MYO9A: variants seen among roughly 807,000 people sequenced by gnomAD.
MYO9A encodes myosin IXA.
A neutral mutation model predicts 293.3 loss-of-function variants in MYO9A; 103 were observed. The ratio of observed to expected loss-of-function variants is 0.35; its 90% CI spans 0.30 to 0.41. The LOEUF (loss-of-function observed/expected upper bound fraction) is 0.41. Ranked by LOEUF, MYO9A falls within the 10% of genes least tolerant of loss-of-function variation. The pLI, the probability that MYO9A is intolerant of heterozygous loss-of-function variation, is 1.00. For missense variants in MYO9A, 2,685 were observed against 3,033.0 expected, an observed-to-expected ratio of 0.89 and a Z score of 2.69; for synonymous variants, 1,001 against 1,035.7, an observed-to-expected ratio of 0.97 and a Z score of 0.64.
At chr15:71,925,307 G>T (rs900376652) in intron 18 of MYO9A, among the ~76,000 whole-genome samples, 1 of 148,018 alleles carries the variant, frequency 6.8e-6, no homozygotes, top group Non-Finnish European at 1.5e-5. Context: ...ACATATATAC[G>T]TATATACGTA....
chr15:72,090,921 G>C lies in MYO9A; in HGVS notation c.-72+26759C>G, dbSNP rs995485118. ...TCACACCTGTAATCCCAGCACTTTG[G>C]GAGGCTGAGGTGGGAAAACCACTTG... On this transcript the variant is annotated intron_variant, in intron 1 of 41. Coordinates refer to ENST00000356056, the MANE Select transcript of MYO9A (RefSeq NM_006901.4). 2.6e-5 allele frequency among the ~76,000 whole-genome samples: 4 copies of C among 151,840 alleles called. No individual in the cohort carries two copies. In the East Asian group the frequency reaches 7.7e-4, roughly 29 times the overall value.
intron 21 of MYO9A, among the ~76,000 whole-genome samples, chr15:71,903,580 G>A (rs1464082652): frequency 6.6e-6 from 1 of 152,042 alleles, no homozygotes; most frequent in Non-Finnish European, 1.5e-5. Flanking sequence ...AAAACTTTAG[G>A]GAAAACCAAA....
chr15:71,973,577 T>C (rs2076066415), intron 12 of MYO9A, among the ~76,000 whole-genome samples: 1 of 152,094 alleles, frequency 6.6e-6, no homozygotes. Context: ...AAAGCCACTG[T>C]ATGATCTTTT....
rs116019007 is a variant in MYO9A, at chr15:72,060,788, A to G, written c.-71-14154T>C. ...CCACTAGGACTTCAATTCCTGGGCAAGTCTTGGTGTTGTGTGCACTTGGAA... is the reference window on the plus strand; with the variant it reads ...CCACTAGGACTTCAATTCCTGGGCAGGTCTTGGTGTTGTGTGCACTTGGAA... On this transcript the variant is annotated intron_variant, in intron 1 of 41. Coordinates refer to ENST00000356056, the MANE Select transcript of MYO9A (RefSeq NM_006901.4). Among the ~76,000 whole-genome samples, 686 of 152,306 alleles carry G rather than the reference A, an allele frequency of 4.5e-3. 4 individuals are homozygous for G. The highest frequency in any genetic ancestry group is 0.016 in the African/African-American group (666 of 41,554).
chr15:71,877,945 T>A (rs1311162312), intron 31 of MYO9A, 95 bp downstream of exon 31: 5 of 1,125,156 alleles, frequency 4.4e-6, no homozygotes, highest in Non-Finnish European at 5.0e-6. Context: ...CAAAATAAAA[T>A]TTTTCTCAAA....
At chr15:71,905,994 G>A (rs1407566644) in intron 19 of MYO9A, among the ~76,000 whole-genome samples, 2 of 151,902 alleles carry the variant, frequency 1.3e-5, no homozygotes, top group Admixed American at 6.6e-5. Flanking sequence ...AGCATTTAGT[G>A]CTATAAATTA....
intron 1 of MYO9A, among the ~76,000 whole-genome samples, chr15:72,050,627 T>C (rs28613926): frequency 0.014 from 2,081 of 150,802 alleles, 34 homozygotes; most frequent in African/African-American, 0.024. Context: ...AATAAATAAA[T>C]AAACAAACAA....
At chr15:71,846,846 T>G (rs1482337856) in intron 39 of MYO9A, among the ~76,000 whole-genome samples, 1 of 152,144 alleles carries the variant, frequency 6.6e-6, no homozygotes, top group Non-Finnish European at 1.5e-5. Flanking sequence ...CATACCATAA[T>G]ATTTAAGTCT....
chr15:71,939,125 T>A (rs971503491), intron 15 of MYO9A, 198 bp from the exon 16 acceptor site: 9 of 492,938 alleles, frequency 1.8e-5, no homozygotes, highest in African/African-American at 1.8e-4. Flanking sequence ...GAAAATTTAA[T>A]AATGAAATAT....
intron 15 of MYO9A, 160 bp downstream of exon 15, chr15:71,951,617 G>C (rs1204031743): frequency 1.4e-6 from 1 of 704,428 alleles, no homozygotes; most frequent in Non-Finnish European, 2.2e-6. Flanking sequence ...ATTTTCAAAA[G>C]AAAGTACTAA....
At chr15:71,981,952 G>A (rs1264366341) in intron 11 of MYO9A, among the ~76,000 whole-genome samples, 4 of 147,120 alleles carry the variant, frequency 2.7e-5, no homozygotes, top group African/African-American at 5.0e-5. Context: ...AATATGTAAC[G>A]TGTCATTAGG....
At chr15:72,041,296 G>A (rs1204870585) in intron 2 of MYO9A, 1 of 901,918 alleles carries the variant, frequency 1.1e-6, no homozygotes, top group African/African-American at 1.7e-5. Flanking sequence ...TATTTGCCTA[G>A]TTCACTTTCT....
intron 38 of MYO9A, 109 bp downstream of exon 38, chr15:71,849,926 TA>T: frequency 4.2e-6 from 4 of 961,040 alleles, no homozygotes; most frequent in Non-Finnish European, 5.8e-6. Flanking sequence ...ACAATCTTCT[TA>T]AAAACACCTG....
At position 72,095,733 on chromosome 15, in the gene MYO9A, C is replaced by G. The variant is rs565300523; in HGVS notation, c.-72+21947G>C. ...GGGGCTAAGGCAGCTAATGACTAAG[C>G]TGAAACCAATGCTCATTGACCATTC... On this transcript the variant is annotated intron_variant, in intron 1 of 41. Transcript: ENST00000356056. Among the ~76,000 whole-genome samples, 54 of 92,128 alleles carry G rather than the reference C, an allele frequency of 5.9e-4. 3 individuals are homozygous for G. Among genetic ancestry groups the G allele is most frequent in the African/African-American group, 1.3e-3 (50 of 38,994 alleles). The allele number at this position is 92,128 out of a possible 152,430, so 60.4% of individuals were successfully genotyped here.
intron 18 of MYO9A, among the ~76,000 whole-genome samples, chr15:71,932,248 C>A (rs902229563): frequency 6.6e-6 from 1 of 152,136 alleles, no homozygotes; most frequent in African/African-American, 2.4e-5. Flanking sequence ...TTAGATCAGA[C>A]TGCATTATCT....
rs1368053609 is a variant in MYO9A, at chr15:71,883,637, G to C, written c.5355C>G (p.Leu1785=). The C allele has an allele frequency of 1.2e-6, 2 of 1,613,544 alleles. No individual in the cohort carries two copies. Among genetic ancestry groups the C allele is most frequent in the Non-Finnish European group, 1.7e-6 (2 of 1,179,812 alleles). Residue 1785 remains leucine, a synonymous_variant, in exon 28 of 42, where the codon CTC becomes CTG. Transcript: ENST00000356056. ...KPTTQSEVSP[L]FAGTDVIPAH... is the part of the protein sequence containing the mutation. ...CTGGAATCACATCTGTGCCTGCAAAGAGTGGCGAAACCTCTGACTGGGTAG... is the reference window on the plus strand; with the variant it reads ...CTGGAATCACATCTGTGCCTGCAAACAGTGGCGAAACCTCTGACTGGGTAG...
chr15:71,939,074 T>C (rs2058706016), intron 15 of MYO9A, 147 bp from the exon 16 acceptor site: 1 of 568,230 alleles, frequency 1.8e-6, no homozygotes, highest in Admixed American at 3.4e-5. Context: ...GACCCAAGTC[T>C]CATAACTGTC....
chr15:72,079,044 A>G lies in MYO9A; in HGVS notation c.-71-32410T>C, dbSNP rs9920223. ...TCTCTATGATACTGTAACGGTACAGACATGTCATTATACATCTGTCAAAAC... is the reference window on the plus strand; with the variant it reads ...TCTCTATGATACTGTAACGGTACAGGCATGTCATTATACATCTGTCAAAAC... On this transcript the variant is annotated intron_variant, in intron 1 of 41. Coordinates refer to ENST00000356056, the MANE Select transcript of MYO9A (RefSeq NM_006901.4). Among the ~76,000 whole-genome samples, 854 of 152,324 alleles carry G rather than the reference A, an allele frequency of 5.6e-3. 10 individuals are homozygous for G. The highest frequency in any genetic ancestry group is 0.019 in the African/African-American group (808 of 41,578).
intron 9 of MYO9A, chr15:71,999,219 T>C (rs1596348343): frequency 6.6e-6 from 1 of 152,040 alleles, no homozygotes; most frequent in East Asian, 1.9e-4. Context: ...TGACATCACT[T>C]TCATAAAACT....
Sources: gnomAD v4.1 joint callset for allele counts (sites outside exome capture counted in the v4.1 genomes callset) on GRCh38, gnomAD v4.1.1 for gene constraint, MANE v1.5 for transcripts, NCBI Gene and HGNC (gene_info 2026-07-23, HGNC 2026-07-21) for gene names.